Variants in WNK1 observed in about 807,000 individuals in gnomAD.
The protein encoded by WNK1 is WNK lysine deficient protein kinase 1, also known as serine/threonine-protein kinase WNK1.
A neutral mutation model predicts 222.8 loss-of-function variants in WNK1; 38 were observed. That is an observed-to-expected ratio of 0.17 (90% CI 0.13 to 0.22). The LOEUF (loss-of-function observed/expected upper bound fraction) is 0.22. Ranked by LOEUF, WNK1 falls within the 10% of genes least tolerant of loss-of-function variation. The pLI is 1.00. For synonymous variants in WNK1, 1,090 were observed against 1,092.9 expected (o/e 1.00, Z 0.05); for missense variants, 2,348 against 2,918.4 (o/e 0.80, Z 4.50).
At chr12:907,012 AGACCCTTCCTTT>A (rs1955755364) in intron 26 of WNK1, among the ~76,000 whole-genome samples, 1 of 121,816 alleles carries the variant, frequency 8.2e-6, no homozygotes, top group Non-Finnish European at 1.9e-5. Context: ...GAAAAAGAAG[AGACCCTTCCTTT>A]AAAAAAAAAA....
chr12:775,649 C>G (rs566331513), intron 1 of WNK1, among the ~76,000 whole-genome samples: 93 of 152,258 alleles, frequency 6.1e-4, no homozygotes, highest in South Asian at 1.0e-3. Flanking sequence ...CTACTCTAGC[C>G]TGGGCAATAG....
At chr12:770,654 C>G (rs1273748917) in intron 1 of WNK1, among the ~76,000 whole-genome samples, 1 of 152,154 alleles carries the variant, frequency 6.6e-6, no homozygotes, top group Non-Finnish European at 1.5e-5. Flanking sequence ...TGGTTTCTTG[C>G]ATTAGCATCC....
At chr12:851,960 G>A (rs1014401012) in intron 4 of WNK1, among the ~76,000 whole-genome samples, 8 of 152,136 alleles carry the variant, frequency 5.3e-5, no homozygotes, top group African/African-American at 1.9e-4. Context: ...GGTGTATTCT[G>A]TGTGAGGAGG....
rs148254159 is a variant in WNK1, at chr12:894,626, A to T, written c.5574A>T (p.Gly1858=). The T allele has an allele frequency of 1.3e-4, 204 of 1,613,948 alleles. 1 individual carries two copies. In the East Asian group the frequency reaches 4.5e-3, roughly 36 times the overall value. The change falls in exon 23 of 28, where the codon GGA becomes GGT. Residue 1858 remains glycine (G), a synonymous_variant. Transcript: ENST00000315939. ...TSSGAGVFKM[G]RFQVSVAADG... The stretch of plus-strand genomic sequence containing the variant: ...CAGGAGCTGGTGTTTTTAAGATGGG[A>T]CGATTTCAGGTAAGACAGTCACTTT...
intron 4 of WNK1, among the ~76,000 whole-genome samples, chr12:835,136 T>C (rs1466491001): frequency 1.7e-4 from 26 of 152,080 alleles, no homozygotes; most frequent in Admixed American, 1.7e-3. Context: ...CTGGGCAACA[T>C]GATGAAACAT....
At chr12:818,642 T>G (rs1947582582) in intron 2 of WNK1, among the ~76,000 whole-genome samples, 1 of 152,224 alleles carries the variant, frequency 6.6e-6, no homozygotes, top group Non-Finnish European at 1.5e-5. Context: ...CTCCCAACCC[T>G]CAGCTCCTGA....
chr12:864,962 A>G, intron 8 of WNK1: 1 of 889,558 alleles, frequency 1.1e-6, no homozygotes, highest in Non-Finnish European at 1.6e-6. Context: ...GTTGAGTTAT[A>G]GCTCTCCTCA....
chr12:782,749 C>T (rs1302772370), intron 1 of WNK1, among the ~76,000 whole-genome samples: 1 of 152,082 alleles, frequency 6.6e-6, no homozygotes, highest in Non-Finnish European at 1.5e-5. Context: ...AGTGATCCAC[C>T]TGCCTCAGCC....
In WNK1 at chr12:896,579, A is replaced by G. The variant is rs371469607; in HGVS notation, c.6092A>G (p.His2031Arg). The stretch of plus-strand genomic sequence containing the variant: ...GTGGATGATGGTTCCGGTAGTCCAC[A>G]CTCGCCCCATCAGCTGAGCTCAAAG... ...RDVDDGSGSP[H>R]SPHQLSSKSL... Residue 2031 changes from histidine (H) to arginine (R), a missense_variant, in exon 24 of 28, where the codon CAC becomes CGC. This residue lies in a region of WNK1 where 1,144 missense variants were observed against 1,273.6 expected (regional missense o/e 0.90). Coordinates refer to ENST00000315939, the MANE Select transcript of WNK1 (RefSeq NM_018979.4). 52 of 1,611,522 alleles carry G rather than the reference A, an allele frequency of 3.2e-5. No homozygotes were observed. Among genetic ancestry groups the G allele is most frequent in the Admixed American group, 6.7e-5 (4 of 59,690 alleles).
rs774170069 is a variant in WNK1, at chr12:896,726, G to A, written c.6239G>A (p.Arg2080Gln). ...EDLKLELRRL[R>Q]DKHLKEIQDL... is the part of the protein sequence containing the mutation. ...TTAAAGTTAGAGCTGCGACGACTAC[G>A]AGATAAGTAAGTATATTTTCTCTTG... The change falls in exon 24 of 28, where the codon CGA becomes CAA. Residue 2080 changes from arginine (R) to glutamine (Q), a missense_variant. Around this residue, in one of 13 missense-constraint regions of WNK1, gnomAD observed 1,144 missense variants for 1,273.6 expected, o/e 0.90. Transcript: ENST00000315939. 3 of 1,608,862 alleles carry A rather than the reference G, an allele frequency of 1.9e-6. No individual in the cohort carries two copies. Among genetic ancestry groups the A allele is most frequent in the East Asian group, 2.2e-5 (1 of 44,794 alleles).
chr12:876,210 C>A (rs1952594827), intron 9 of WNK1, among the ~76,000 whole-genome samples: 1 of 152,096 alleles, frequency 6.6e-6, no homozygotes, highest in Non-Finnish European at 1.5e-5. Context: ...GAGATCAAGA[C>A]CATCCTGGCT....
intron 4 of WNK1, among the ~76,000 whole-genome samples, chr12:831,562 C>T (rs746458436): frequency 6.6e-6 from 1 of 151,102 alleles, no homozygotes; most frequent in South Asian, 2.1e-4. Flanking sequence ...ATTCCTTTGT[C>T]TTCCATTAAA....
chr12:879,990 G>C lies in WNK1; in HGVS notation c.2791G>C (p.Ala931Pro). 6.2e-7 allele frequency: 1 copy of C among 1,614,200 alleles called. No individual in the cohort carries two copies. Among genetic ancestry groups the C allele is most frequent in the Non-Finnish European group, 8.5e-7 (1 of 1,180,040 alleles). Residue 931 changes from alanine (A) to proline (P), a missense_variant, in exon 11 of 28, where the codon GCT becomes CCT. By Grantham distance (27) the Ala-to-Pro change is conservative. Transcript: ENST00000315939. ...SMGIPANLGQ[A>P]AEVPLSSGDV... ...GGGAATACCAGCTAACCTTGGACAAGCTGCTGAGGTTCCACTTTCCTCTGG... is the reference window on the plus strand; with the variant it reads ...GGGAATACCAGCTAACCTTGGACAACCTGCTGAGGTTCCACTTTCCTCTGG...
chr12:792,614 G>A (rs1019770766), intron 1 of WNK1, among the ~76,000 whole-genome samples: 24 of 151,936 alleles, frequency 1.6e-4, no homozygotes, highest in Non-Finnish European at 3.4e-4. Flanking sequence ...ACGCCCGGCT[G>A]ATACTGTTAT....
intron 9 of WNK1, among the ~76,000 whole-genome samples, chr12:874,854 C>T (rs1315771670): frequency 2.6e-5 from 4 of 151,920 alleles, no homozygotes; most frequent in Non-Finnish European, 5.9e-5. Flanking sequence ...AATCTAATTC[C>T]ACAGCTCACC....
chr12:891,302 A>T (rs762605697), intron 22 of WNK1, among the ~76,000 whole-genome samples: 1 of 152,076 alleles, frequency 6.6e-6, no homozygotes, highest in South Asian at 2.1e-4. Flanking sequence ...CCACACCTGG[A>T]TAATTTTGTA....
At chr12:800,478 A>G (rs1945766454) in intron 1 of WNK1, among the ~76,000 whole-genome samples, 1 of 152,190 alleles carries the variant, frequency 6.6e-6, no homozygotes, top group Non-Finnish European at 1.5e-5. Flanking sequence ...TTGGTAAAAT[A>G]TATAACTTAA....
rs886048785 is a variant in WNK1 at position 894,607 on chromosome 12, C to G, written c.5555C>G (p.Ala1852Gly). Residue 1852 changes from alanine to glycine, a missense_variant, in exon 23 of 28, where the codon GCT becomes GGT. Ala to Gly is a moderately conservative substitution (Grantham distance 60). Transcript: ENST00000315939. Reference protein sequence around the residue: ...EGPVLATSSGAGVFKMGRFQV... With the variant: ...EGPVLATSSGGGVFKMGRFQV... Reference sequence around the variant, plus strand: ...CCTGTCCTAGCAACTAGTTCAGGAGCTGGTGTTTTTAAGATGGGACGATTT... The same window carrying G: ...CCTGTCCTAGCAACTAGTTCAGGAGGTGGTGTTTTTAAGATGGGACGATTT... The G allele has an allele frequency of 1.9e-5, 30 of 1,613,898 alleles. No individual in the cohort carries two copies. Among genetic ancestry groups the G allele is most frequent in the Non-Finnish European group, 2.5e-5 (30 of 1,179,942 alleles).
intron 4 of WNK1, among the ~76,000 whole-genome samples, chr12:833,975 T>C (rs934272327): frequency 5.3e-5 from 8 of 152,200 alleles, no homozygotes; most frequent in Non-Finnish European, 8.8e-5. Context: ...TACATTATGG[T>C]GAGTATTGTA....
Sources: gnomAD v4.1 joint callset for allele counts (sites outside exome capture counted in the v4.1 genomes callset) on GRCh38, gnomAD v4.1.1 for gene constraint, gnomAD v4.1.1 regional missense constraint, MANE v1.5 for transcripts, NCBI Gene and HGNC (gene_info 2026-07-23, HGNC 2026-07-21) for gene names.